Variants in THRB observed in about 807,000 individuals in gnomAD.
THRB encodes the protein nuclear receptor subfamily 1 group A member 2.
THRB carries 12 observed loss-of-function variants against 47.8 expected under a neutral mutation model. That is an observed-to-expected ratio of 0.25 (90% confidence interval 0.16 to 0.41). The LOEUF (loss-of-function observed/expected upper bound fraction) is 0.41. Among genes scored for constraint, THRB ranks in the 10% least tolerant of loss-of-function variants. THRB has a pLI of 1.00. For missense variants in THRB, 348 were observed against 589.2 expected, an observed-to-expected ratio of 0.59 and a Z score of 4.24; for synonymous variants, 218 against 212.2, an observed-to-expected ratio of 1.03 and a Z score of -0.24.
Position 24,305,204 on chromosome 3 carries a change from T to A in THRB, c.-188-7833A>T, listed in dbSNP as rs572255013. Among the ~76,000 whole-genome samples, 4 of 152,320 alleles carry A rather than the reference T, an allele frequency of 2.6e-5. No individual in the cohort carries two copies. In the South Asian group the frequency reaches 8.3e-4, roughly 32 times the overall value. The stretch of plus-strand genomic sequence containing the variant: ...TGGATCAGCAACATCAGCATCAGCA[T>A]CATATGGGACCTTGTTAGAAAGGCA... On this transcript the variant is annotated intron_variant, in intron 2 of 10. Coordinates refer to ENST00000646209, the MANE Select transcript of THRB (RefSeq NM_001354712.2).
At chr3:24,317,298 A>G (rs754916569) in intron 2 of THRB, among the ~76,000 whole-genome samples, 18 of 152,144 alleles carry the variant, frequency 1.2e-4, no homozygotes, top group African/African-American at 2.9e-4. Context: ...AAGTTGCTAC[A>G]TAGATGGAAT....
intron 1 of THRB, among the ~76,000 whole-genome samples, chr3:24,488,267 C>A (rs1053246303): frequency 1.3e-5 from 2 of 152,192 alleles, no homozygotes; most frequent in Admixed American, 6.5e-5. Flanking sequence ...TCCCTGAAGA[C>A]CCTCTTTGGG....
chr3:24,433,357 A>T (rs1431334999), intron 1 of THRB, among the ~76,000 whole-genome samples: 2 of 152,082 alleles, frequency 1.3e-5, no homozygotes, highest in African/African-American at 4.8e-5. Context: ...AGGATGCAGG[A>T]GGGGTCAGAG....
At chr3:24,130,313 C>T (rs1370141688) in intron 9 of THRB, among the ~76,000 whole-genome samples, 1 of 152,188 alleles carries the variant, frequency 6.6e-6, no homozygotes, top group Non-Finnish European at 1.5e-5. Context: ...GTTGACCCCT[C>T]GCCCTTGCCG....
At chr3:24,415,556 C>T (rs549809050) in intron 1 of THRB, among the ~76,000 whole-genome samples, 2 of 151,834 alleles carry the variant, frequency 1.3e-5, no homozygotes, top group South Asian at 2.1e-4. Context: ...GTTGTCAACA[C>T]CACAGAAGCT....
intron 3 of THRB, among the ~76,000 whole-genome samples, chr3:24,295,613 A>G (rs971422299): frequency 1.3e-5 from 2 of 152,232 alleles, no homozygotes; most frequent in East Asian, 3.8e-4. Context: ...GTATAACACT[A>G]CTTAATGGCT....
intron 5 of THRB, among the ~76,000 whole-genome samples, chr3:24,179,827 A>G (rs1225752385): frequency 2.0e-5 from 3 of 152,250 alleles, no homozygotes; most frequent in African/African-American, 7.2e-5. Flanking sequence ...GATATCAAAA[A>G]GTCTTAAAAA....
At chr3:24,219,086 G>A (rs1470707672) in intron 4 of THRB, among the ~76,000 whole-genome samples, 1 of 152,082 alleles carries the variant, frequency 6.6e-6, no homozygotes, top group Non-Finnish European at 1.5e-5. Flanking sequence ...GGTCAACATG[G>A]TGAGACCCTG....
At chr3:24,220,657 G>C (rs1359198129) in intron 4 of THRB, among the ~76,000 whole-genome samples, 1 of 152,054 alleles carries the variant, frequency 6.6e-6, no homozygotes, top group African/African-American at 2.4e-5. Flanking sequence ...TTTTGAGGGA[G>C]GTTTTTGCTA....
chr3:24,430,575 T>G (rs569566710), intron 1 of THRB, among the ~76,000 whole-genome samples: 1 of 152,094 alleles, frequency 6.6e-6, no homozygotes, highest in Non-Finnish European at 1.5e-5. Flanking sequence ...TAGTGAGTTA[T>G]ATGTGTATAT....
intron 8 of THRB, among the ~76,000 whole-genome samples, chr3:24,138,936 A>G (rs886410026): frequency 2.6e-5 from 4 of 152,262 alleles, no homozygotes; most frequent in Non-Finnish European, 5.9e-5. Flanking sequence ...CAGAATAATG[A>G]CACAATGTCA....
chr3:24,295,472 A>C (rs564067055), intron 3 of THRB, among the ~76,000 whole-genome samples: 1 of 152,172 alleles, frequency 6.6e-6, no homozygotes, highest in Non-Finnish European at 1.5e-5. Flanking sequence ...GGTACTTTTT[A>C]CTGTGACATA....
At chr3:24,168,566 G>C (rs1307500172) in intron 5 of THRB, among the ~76,000 whole-genome samples, 1 of 150,014 alleles carries the variant, frequency 6.7e-6, no homozygotes, top group African/African-American at 2.5e-5. Context: ...TGAAACTTTA[G>C]CATCAAGATT....
At chr3:24,376,216 T>G (rs2065274083) in intron 1 of THRB, among the ~76,000 whole-genome samples, 1 of 152,178 alleles carries the variant, frequency 6.6e-6, no homozygotes, top group Non-Finnish European at 1.5e-5. Context: ...GAAGCCACAA[T>G]TTTAGGCACT....
intron 5 of THRB, chr3:24,165,004 A>C (rs376169137): frequency 3.1e-5 from 22 of 717,328 alleles, no homozygotes; most frequent in African/African-American, 1.7e-4. Context: ...ACTTTGAACA[A>C]ATTTAAGCAA....
chr3:24,270,312 A>G (rs2053188676), intron 3 of THRB, among the ~76,000 whole-genome samples: 1 of 152,232 alleles, frequency 6.6e-6, no homozygotes, highest in Admixed American at 6.5e-5. Flanking sequence ...TTAATGAGCT[A>G]TGGGTATAGT....
At chr3:24,379,373 G>A (rs1476915894) in intron 1 of THRB, among the ~76,000 whole-genome samples, 1 of 152,098 alleles carries the variant, frequency 6.6e-6, no homozygotes, top group Non-Finnish European at 1.5e-5. Context: ...CTCCCATAAG[G>A]GAGAGTCAAG....
chr3:24,122,550 T>C lies in THRB; in HGVS notation c.*334A>G. Reference sequence around the variant, plus strand: ...TGGTTTTAAGGCTTCTTTAGTGTCCTGTGGCGCCATTTTGCTGACTCAAGT... The same window carrying C: ...TGGTTTTAAGGCTTCTTTAGTGTCCCGTGGCGCCATTTTGCTGACTCAAGT... On this transcript the variant is annotated 3_prime_UTR_variant, in exon 11 of 11. Coordinates refer to ENST00000646209, the MANE Select transcript of THRB (RefSeq NM_001354712.2). The C allele has an allele frequency of 2.6e-6, 1 of 391,426 alleles. No homozygotes were observed. Among genetic ancestry groups the C allele is most frequent in the Non-Finnish European group, 4.8e-6 (1 of 206,290 alleles). The allele number at this position is 391,426 out of a possible 1,614,324, so 24.2% of individuals were successfully genotyped here.
Position 24,317,324 on chromosome 3 carries a change from G to A in THRB, c.-188-19953C>T, listed in dbSNP as rs151180642. 3.4e-4 allele frequency among the ~76,000 whole-genome samples: 52 copies of A among 152,220 alleles called. 1 individual carries two copies. The highest frequency in any genetic ancestry group is 9.7e-4 in the East Asian group (5 of 5,172). On this transcript the variant is annotated intron_variant, in intron 2 of 10. Transcript: ENST00000646209. ...TAGATGGAATACTGCATGGAAAATC[G>A]AAAGAGGTGCATGCTACCTGAGTGT...
Sources: gnomAD v4.1 joint callset for allele counts (sites outside exome capture counted in the v4.1 genomes callset) on GRCh38, gnomAD v4.1.1 for gene constraint, MANE v1.5 for transcripts, NCBI Gene and HGNC (gene_info 2026-07-23, HGNC 2026-07-21) for gene names.